SPP2: variants seen among roughly 807,000 people sequenced by gnomAD.
The protein encoded by SPP2 is secreted phosphoprotein 2.
A neutral mutation model predicts 28.8 loss-of-function variants in SPP2; 34 were observed. The observed-to-expected ratio is 1.18, with a 90% CI of 0.90 to 1.57. The LOEUF (loss-of-function observed/expected upper bound fraction) is 1.57, where lower values mean the gene tolerates loss of function less well. Among genes scored for constraint, SPP2 ranks in the 40% most tolerant of loss-of-function variants. The pLI is 0.00. For synonymous variants in SPP2, 96 were observed against 89.4 expected, an observed-to-expected ratio of 1.07 and a Z score of -0.42; for missense variants, 269 against 263.9, an observed-to-expected ratio of 1.02 and a Z score of -0.13.
chr2:234,052,400 T>C (rs2125448981), intron 2 of SPP2, among the ~76,000 whole-genome samples: 1 of 152,362 alleles, frequency 6.6e-6, no homozygotes, highest in South Asian at 2.1e-4. Context: ...TTACTTTTGA[T>C]TTAGCTATTG....
intron 1 of SPP2, 26 bp downstream of exon 1, chr2:234,050,897 C>T (rs767882974): frequency 1.2e-6 from 2 of 1,614,028 alleles, no homozygotes; most frequent in South Asian, 2.2e-5. Context: ...ACCTGGCCAC[C>T]TGCTCTGGAT....
chr2:234,067,546 G>A (rs563984644), intron 6 of SPP2, among the ~76,000 whole-genome samples: 2 of 152,212 alleles, frequency 1.3e-5, no homozygotes, highest in Admixed American at 6.5e-5. Context: ...GGGAGGCCGA[G>A]GCGGGCGGAT....
intron 2 of SPP2, among the ~76,000 whole-genome samples, chr2:234,056,887 C>G (rs1384268394): frequency 6.6e-6 from 1 of 151,968 alleles, no homozygotes; most frequent in Non-Finnish European, 1.5e-5. Flanking sequence ...CCGTCCTCAG[C>G]TTGGAGTTTT....
chr2:234,073,525 A>G (rs1298330042), intron 7 of SPP2, among the ~76,000 whole-genome samples: 1 of 152,242 alleles, frequency 6.6e-6, no homozygotes, highest in African/African-American at 2.4e-5. Flanking sequence ...ATGATTTAAT[A>G]TATGAGTAGA....
chr2:234,052,756 G>T (rs1185416620), intron 2 of SPP2, among the ~76,000 whole-genome samples: 2 of 152,110 alleles, frequency 1.3e-5, no homozygotes, highest in African/African-American at 2.4e-5. Context: ...CAAATTCATT[G>T]GTCAAGCTAC....
At chr2:234,066,669 C>T (rs1273734058) in intron 5 of SPP2, 82 bp downstream of exon 5, 3 of 1,015,002 alleles carry the variant, frequency 3.0e-6, no homozygotes, top group East Asian at 2.4e-5. Context: ...TCATTTAAAA[C>T]TAGAAATACA....
At chr2:234,051,145 C>G in intron 2 of SPP2, 50 bp downstream of exon 2, 1 of 1,595,334 alleles carries the variant, frequency 6.3e-7, no homozygotes, top group Non-Finnish European at 8.6e-7. Flanking sequence ...TGCTGTCTGC[C>G]TTTTGTCAGT....
intron 7 of SPP2, among the ~76,000 whole-genome samples, chr2:234,070,744 G>A (rs796325092): frequency 2.0e-5 from 3 of 152,144 alleles, no homozygotes; most frequent in African/African-American, 2.4e-5. Context: ...TTACAGGTGT[G>A]AGCCACCACG....
chr2:234,053,871 G>A (rs1179746674), intron 2 of SPP2, among the ~76,000 whole-genome samples: 2 of 151,978 alleles, frequency 1.3e-5, no homozygotes, highest in Non-Finnish European at 1.5e-5. Flanking sequence ...AAGTAGGGCT[G>A]TGGTTTCATA....
At position 234,069,841 on chromosome 2, in the gene SPP2, T is replaced by G. The variant is rs867405220; in HGVS notation, c.551-87T>G. 1.2e-4 allele frequency: 123 copies of G among 1,067,556 alleles called. 1 individual carries two copies. In the Middle Eastern group the frequency reaches 3.7e-3, roughly 32 times the overall value. 66.1% of individuals were successfully genotyped at this position (1,067,556 alleles called of 1,614,324 possible). The stretch of plus-strand genomic sequence containing the variant: ...GTTCAGGTTATGCTTGTCACAATCC[T>G]CCTCATTAATTTGTAGTAACATTGT... On this transcript the variant is annotated intron_variant, in intron 6 of 7. Coordinates refer to ENST00000168148, the MANE Select transcript of SPP2 (RefSeq NM_006944.3).
intron 4 of SPP2, among the ~76,000 whole-genome samples, chr2:234,065,727 C>T (rs1214210794): frequency 6.6e-6 from 1 of 152,122 alleles, no homozygotes; most frequent in African/African-American, 2.4e-5. Flanking sequence ...TTTTCTCCCC[C>T]TCTATGGGTT....
intron 2 of SPP2, among the ~76,000 whole-genome samples, chr2:234,054,161 G>A (rs186963260): frequency 2.0e-4 from 31 of 152,280 alleles, no homozygotes; most frequent in Middle Eastern, 3.4e-3. Flanking sequence ...AATATTGGGT[G>A]AGCTGGCAGA....
intron 4 of SPP2, among the ~76,000 whole-genome samples, chr2:234,062,441 T>C (rs990313971): frequency 1.3e-5 from 2 of 151,976 alleles, no homozygotes; most frequent in Non-Finnish European, 2.9e-5. Flanking sequence ...GAGAAAAACA[T>C]GGGGAGAGAG....
At chr2:234,076,408 A>G (rs1690894655) in intron 7 of SPP2, among the ~76,000 whole-genome samples, 1 of 152,014 alleles carries the variant, frequency 6.6e-6, no homozygotes, top group Non-Finnish European at 1.5e-5. Flanking sequence ...TTTCCTGCAC[A>G]TAGGCGTCTC....
intron 7 of SPP2, among the ~76,000 whole-genome samples, chr2:234,073,178 A>G (rs1039115527): frequency 2.6e-5 from 4 of 152,204 alleles, no homozygotes; most frequent in African/African-American, 9.6e-5. Context: ...ATGAGCCACC[A>G]CGCCTGGCCG....
chr2:234,061,339 CTTG>C (rs1452743218), intron 4 of SPP2, among the ~76,000 whole-genome samples: 3 of 152,032 alleles, frequency 2.0e-5, no homozygotes, highest in Non-Finnish European at 2.9e-5. Flanking sequence ...TCACTAAATA[CTTG>C]TTGTATAAAT....
At chr2:234,069,833 C>T (rs904645552) in intron 6 of SPP2, 95 bp from the exon 7 acceptor site, 22 of 1,008,100 alleles carry the variant, frequency 2.2e-5, no homozygotes, top group Non-Finnish European at 3.4e-5. Context: ...TTATGCTTGT[C>T]ACAATCCTCC....
chr2:234,064,685 G>A (rs1403361210), intron 4 of SPP2, among the ~76,000 whole-genome samples: 3 of 152,176 alleles, frequency 2.0e-5, no homozygotes, highest in African/African-American at 7.2e-5. Flanking sequence ...TCACGCGGGA[G>A]AGAGACCCCA....
intron 7 of SPP2, among the ~76,000 whole-genome samples, chr2:234,073,917 A>G (rs559589428): frequency 6.6e-6 from 1 of 152,358 alleles, no homozygotes; most frequent in African/African-American, 2.4e-5. Flanking sequence ...TGTTCATTAA[A>G]TGCCCCTCTA....
Sources: gnomAD v4.1 joint callset for allele counts (sites outside exome capture counted in the v4.1 genomes callset) on GRCh38, gnomAD v4.1.1 for gene constraint, MANE v1.5 for transcripts, NCBI Gene and HGNC (gene_info 2026-07-23, HGNC 2026-07-21) for gene names.